SLC24A2: variants seen among roughly 807,000 people sequenced by gnomAD.
The protein encoded by SLC24A2 is sodium/potassium/calcium exchanger 2.
In SLC24A2, 36 loss-of-function variants were observed where a neutral mutation model predicts 62.0. That is an observed-to-expected ratio of 0.58 (90% CI 0.44 to 0.77). The LOEUF (loss-of-function observed/expected upper bound fraction) is 0.77, where lower values mean the gene tolerates loss of function less well. Among genes scored for constraint, SLC24A2 ranks in the 30% least tolerant of loss-of-function variants. SLC24A2 has a pLI of 0.00. For synonymous variants in SLC24A2, 358 were observed against 294.0 expected (o/e 1.22, Z -2.23); for missense variants, 846 against 817.9 (o/e 1.03, Z -0.42).
At chr9:20,189,866 T>C in the SLC24A2 span, among the ~76,000 whole-genome samples, 1 of 152,182 alleles carries the variant, frequency 6.6e-6, no homozygotes, top group South Asian at 2.1e-4. Flanking sequence ...TGCACAATTC[T>C]GCCTCTGAAA....
At chr9:19,799,847 G>A in the SLC24A2 span, among the ~76,000 whole-genome samples, 4 of 152,046 alleles carry the variant, frequency 2.6e-5, no homozygotes, top group African/African-American at 9.7e-5. Context: ...TCTTTGGGCT[G>A]CCTCAACAAA....
At chr9:19,598,803 T>C (rs1836770921) in intron 4 of SLC24A2, among the ~76,000 whole-genome samples, 1 of 152,176 alleles carries the variant, frequency 6.6e-6, no homozygotes, top group Non-Finnish European at 1.5e-5. Flanking sequence ...ATATAAAACA[T>C]ATGTTCATAG....
At position 19,513,504 on chromosome 9, in the gene SLC24A2, T is replaced by C. The variant is rs1832810304; in HGVS notation, c.*2649A>G. On this transcript the variant is annotated 3_prime_UTR_variant, in exon 11 of 11. Transcript: ENST00000341998. Reference sequence around the variant, plus strand: ...ATGTGGGAACGGGGCTTGGAAATTTTGTCTTCTCAAATGCAACTTCACATG... The same window carrying C: ...ATGTGGGAACGGGGCTTGGAAATTTCGTCTTCTCAAATGCAACTTCACATG... 1.3e-5 allele frequency: 2 copies of C among 152,122 alleles called. No individual in the cohort carries two copies. The highest frequency in any genetic ancestry group is 2.4e-5 in the African/African-American group (1 of 41,420). The allele number at this position is 152,122 out of a possible 1,614,324, so 9.4% of individuals were successfully genotyped here.
chr9:19,880,205 G>A, the SLC24A2 span, among the ~76,000 whole-genome samples: 345 of 152,266 alleles, frequency 2.3e-3, 4 homozygotes, highest in African/African-American at 7.2e-3. Context: ...CATGATATGT[G>A]TTCTTCTTAG....
chr9:20,012,112 T>C, the SLC24A2 span, among the ~76,000 whole-genome samples: 2 of 152,182 alleles, frequency 1.3e-5, no homozygotes, highest in Non-Finnish European at 2.9e-5. Context: ...TGAAAGGTTT[T>C]CCTCTAAGAT....
At chr9:20,123,730 A>G in the SLC24A2 span, among the ~76,000 whole-genome samples, 1 of 152,228 alleles carries the variant, frequency 6.6e-6, no homozygotes, top group Admixed American at 6.5e-5. Flanking sequence ...AACGTCACAC[A>G]TCTAGTAAGT....
At chr9:19,833,610 C>A in the SLC24A2 span, among the ~76,000 whole-genome samples, 1 of 152,226 alleles carries the variant, frequency 6.6e-6, no homozygotes, top group Non-Finnish European at 1.5e-5. Flanking sequence ...CACCACAGCT[C>A]AAGGAGGCCT....
the SLC24A2 span, among the ~76,000 whole-genome samples, chr9:19,827,607 G>A: frequency 6.6e-6 from 1 of 152,208 alleles, no homozygotes; most frequent in East Asian, 1.9e-4. Context: ...CTACATGCAT[G>A]TTTAATGTGG....
the SLC24A2 span, among the ~76,000 whole-genome samples, chr9:20,072,389 T>A: frequency 1.3e-5 from 2 of 152,088 alleles, no homozygotes; most frequent in Non-Finnish European, 2.9e-5. Context: ...ACAGATTTTG[T>A]TTCCTGAAGC....
the SLC24A2 span, among the ~76,000 whole-genome samples, chr9:19,990,977 ATATG>A: frequency 7.5e-5 from 11 of 147,562 alleles, no homozygotes; most frequent in Non-Finnish European, 1.0e-4. Flanking sequence ...ATATGTATGT[ATATG>A]TATGTATTAT....
At chr9:20,283,101 CTT>C in the SLC24A2 span, among the ~76,000 whole-genome samples, 1 of 152,198 alleles carries the variant, frequency 6.6e-6, no homozygotes, top group Non-Finnish European at 1.5e-5. Context: ...TCTGCTGTGT[CTT>C]TGTCTGTGCT....
chr9:19,548,826 A>G (rs1834705838), intron 8 of SLC24A2, among the ~76,000 whole-genome samples: 1 of 152,230 alleles, frequency 6.6e-6, no homozygotes, highest in East Asian at 1.9e-4. Context: ...CAGCCCTGGG[A>G]TGGACTGTAT....
chr9:19,974,861 G>C, the SLC24A2 span, among the ~76,000 whole-genome samples: 1 of 152,146 alleles, frequency 6.6e-6, no homozygotes, highest in Non-Finnish European at 1.5e-5. Flanking sequence ...ATATTATTTC[G>C]TAGGATGCTT....
the SLC24A2 span, among the ~76,000 whole-genome samples, chr9:20,165,736 G>T: frequency 7.9e-5 from 12 of 151,774 alleles, no homozygotes; most frequent in African/African-American, 2.9e-4. Flanking sequence ...AAAGGAAAAA[G>T]GCTTTCTAAA....
chr9:20,204,479 A>C, the SLC24A2 span, among the ~76,000 whole-genome samples: 17,937 of 152,174 alleles, frequency 0.12, 2,198 homozygotes, highest in East Asian at 0.6. Flanking sequence ...GACAACACAC[A>C]CAAGTGGTGC....
At chr9:19,758,131 C>T (rs143261436) in intron 2 of SLC24A2, among the ~76,000 whole-genome samples, 31 of 152,144 alleles carry the variant, frequency 2.0e-4, no homozygotes, top group South Asian at 8.3e-4. Flanking sequence ...AGATACATAC[C>T]AACAGAGAAA....
the SLC24A2 span, among the ~76,000 whole-genome samples, chr9:20,146,254 A>T: frequency 6.6e-6 from 1 of 152,136 alleles, no homozygotes; most frequent in African/African-American, 2.4e-5. Flanking sequence ...CATCAGAAGC[A>T]GAGAGAGTCT....
At chr9:20,277,938 A>G in the SLC24A2 span, among the ~76,000 whole-genome samples, 134 of 152,272 alleles carry the variant, frequency 8.8e-4, 2 homozygotes, top group Non-Finnish European at 1.4e-3. Flanking sequence ...CCTTTGTAGG[A>G]ACATGGATGA....
chr9:19,630,238 T>C (rs1818143188), intron 2 of SLC24A2, among the ~76,000 whole-genome samples: 1 of 152,158 alleles, frequency 6.6e-6, no homozygotes. Flanking sequence ...TGGCAAAGAC[T>C]ATAAAAGTGT....
Sources: gnomAD v4.1 joint callset for allele counts (sites outside exome capture counted in the v4.1 genomes callset) on GRCh38, gnomAD v4.1.1 for gene constraint, MANE v1.5 for transcripts, NCBI Gene and HGNC (gene_info 2026-07-23, HGNC 2026-07-21) for gene names.